NRF1: variants seen among roughly 807,000 people sequenced by gnomAD.
NRF1 encodes alpha palindromic-binding protein.
In NRF1, 5 loss-of-function variants were observed where a neutral mutation model predicts 58.5. That is an observed-to-expected ratio of 0.09 (90% CI 0.04 to 0.18). The LOEUF (loss-of-function observed/expected upper bound fraction) is 0.18, where lower values mean the gene tolerates loss of function less well. Ranked by LOEUF, NRF1 falls within the 10% of genes least tolerant of loss-of-function variation. The pLI is 1.00. For synonymous variants in NRF1, 224 were observed against 246.7 expected (o/e 0.91, Z 0.86); for missense variants, 288 against 657.7 (o/e 0.44, Z 6.15).
chr7:129,635,871 T>C (rs961814146), intron 1 of NRF1, among the ~76,000 whole-genome samples: 1 of 152,174 alleles, frequency 6.6e-6, no homozygotes, highest in African/African-American at 2.4e-5. Context: ...CTTTTTTTTT[T>C]ATTAGGGTCA....
chr7:129,745,805 A>C (rs1188208162), intron 10 of NRF1, among the ~76,000 whole-genome samples: 4 of 152,232 alleles, frequency 2.6e-5, no homozygotes, highest in Non-Finnish European at 5.9e-5. Context: ...AGAGGAAATC[A>C]TGACATTGTA....
chr7:129,701,476 T>G (rs149575658), intron 5 of NRF1, among the ~76,000 whole-genome samples: 84 of 151,952 alleles, frequency 5.5e-4, no homozygotes, highest in African/African-American at 1.9e-3. Flanking sequence ...AACGCATGCC[T>G]GTAGTCCCAA....
intron 2 of NRF1, among the ~76,000 whole-genome samples, chr7:129,660,744 G>A (rs751515346): frequency 6.6e-6 from 1 of 150,678 alleles, no homozygotes; most frequent in Non-Finnish European, 1.5e-5. Flanking sequence ...CTGTTGTTGA[G>A]TGTCTGTGGC....
chr7:129,689,510 T>G (rs561157587), intron 4 of NRF1, among the ~76,000 whole-genome samples: 1 of 152,346 alleles, frequency 6.6e-6, no homozygotes, highest in East Asian at 1.9e-4. Flanking sequence ...CCCTTGTGTA[T>G]TCTCCTAAGT....
intron 10 of NRF1, among the ~76,000 whole-genome samples, chr7:129,733,983 G>A (rs7809459): frequency 0.91 from 138,377 of 151,926 alleles, 63,047 homozygotes; most frequent in East Asian, 0.93. Context: ...AGATCATGCC[G>A]CTGCACTCCA....
chr7:129,677,231 C>T (rs1207247132), intron 3 of NRF1, among the ~76,000 whole-genome samples: 1 of 151,996 alleles, frequency 6.6e-6, no homozygotes, highest in African/African-American at 2.4e-5. Context: ...CCAGGCTGGT[C>T]TCGAACTCGT....
At chr7:129,681,095 T>A (rs1802296801) in intron 4 of NRF1, among the ~76,000 whole-genome samples, 1 of 152,146 alleles carries the variant, frequency 6.6e-6, no homozygotes, top group Admixed American at 6.5e-5. Flanking sequence ...CAAGTGTCTT[T>A]ATAAGAGGGA....
chr7:129,622,255 A>G (rs187661123), intron 1 of NRF1, among the ~76,000 whole-genome samples: 94 of 152,340 alleles, frequency 6.2e-4, no homozygotes, highest in Admixed American at 1.5e-3. Flanking sequence ...AAACATAAAT[A>G]CAGATAACAC....
intron 4 of NRF1, among the ~76,000 whole-genome samples, chr7:129,682,630 TAAAAAA>T (rs771494622): frequency 8.0e-5 from 7 of 87,872 alleles, no homozygotes; most frequent in African/African-American, 1.8e-4. Context: ...CAAAAAAATG[TAAAAAA>T]AAAAAAAAAA....
At chr7:129,635,824 A>G (rs1801158843) in intron 1 of NRF1, among the ~76,000 whole-genome samples, 1 of 152,132 alleles carries the variant, frequency 6.6e-6, no homozygotes, top group African/African-American at 2.4e-5. Context: ...CGTTAGAAAA[A>G]TGATCTGTTG....
chr7:129,709,049 T>C, intron 5 of NRF1, 26 bp from the exon 6 acceptor site: 2 of 1,442,664 alleles, frequency 1.4e-6, no homozygotes, highest in Non-Finnish European at 1.8e-6. Context: ...TTCATGAGTA[T>C]TGATGACCAC....
intron 3 of NRF1, among the ~76,000 whole-genome samples, chr7:129,673,716 CA>C (rs542854064): frequency 3.4e-4 from 34 of 99,114 alleles, no homozygotes; most frequent in South Asian, 1.5e-3. Flanking sequence ...GACTCCGTCT[CA>C]AAAAAAAAAA....
intron 2 of NRF1, among the ~76,000 whole-genome samples, chr7:129,667,961 T>TG (rs1008599767): frequency 6.6e-6 from 1 of 151,968 alleles, no homozygotes; most frequent in African/African-American, 2.4e-5. Context: ...TACGGAGTCT[T>TG]GCTATGGTGC....
At chr7:129,700,692 C>T (rs915635801) in intron 5 of NRF1, among the ~76,000 whole-genome samples, 5 of 152,012 alleles carry the variant, frequency 3.3e-5, no homozygotes, top group Non-Finnish European at 5.9e-5. Flanking sequence ...TCGAGGTAGG[C>T]GGATGGTTTG....
intron 9 of NRF1, among the ~76,000 whole-genome samples, chr7:129,719,414 A>G (rs893001665): frequency 6.6e-6 from 1 of 151,980 alleles, no homozygotes; most frequent in Non-Finnish European, 1.5e-5. Context: ...TTACAGGCGT[A>G]AGCCACCACG....
At chr7:129,739,144 T>C (rs916318933) in intron 10 of NRF1, among the ~76,000 whole-genome samples, 1 of 152,266 alleles carries the variant, frequency 6.6e-6, no homozygotes, top group African/African-American at 2.4e-5. Context: ...TCCAGTATGA[T>C]AGCTGTTAGC....
At chr7:129,715,672 A>G (rs957378744) in intron 8 of NRF1, among the ~76,000 whole-genome samples, 3 of 152,224 alleles carry the variant, frequency 2.0e-5, no homozygotes, top group Admixed American at 6.5e-5. Flanking sequence ...GTTAATAGCA[A>G]AAGACTGTAA....
intron 5 of NRF1, among the ~76,000 whole-genome samples, chr7:129,697,915 T>C (rs2116146209): frequency 6.6e-6 from 1 of 152,192 alleles, no homozygotes; most frequent in Non-Finnish European, 1.5e-5. Flanking sequence ...TTTGTATTTT[T>C]AGTAGAGAAG....
At chr7:129,733,606 G>T (rs1027061759) in intron 10 of NRF1, among the ~76,000 whole-genome samples, 2 of 152,156 alleles carry the variant, frequency 1.3e-5, no homozygotes, top group African/African-American at 4.8e-5. Flanking sequence ...CCAGGTTCAG[G>T]GTTATAGGGA....
Sources: gnomAD v4.1 joint callset for allele counts (sites outside exome capture counted in the v4.1 genomes callset) on GRCh38, gnomAD v4.1.1 for gene constraint, MANE v1.5 for transcripts, NCBI Gene and HGNC (gene_info 2026-07-23, HGNC 2026-07-21) for gene names.